ASIC2: variants seen among roughly 807,000 people sequenced by gnomAD.
ASIC2 encodes the protein acid-sensing ion channel 2.
A neutral mutation model predicts 57.3 loss-of-function variants in ASIC2; 25 were observed. The observed-to-expected ratio is 0.44, with a 90% CI of 0.32 to 0.61. The LOEUF is 0.61. Ranked by LOEUF, ASIC2 falls within the 20% of genes least tolerant of loss-of-function variation. ASIC2 has a pLI of 0.06. For missense variants in ASIC2, 641 were observed against 738.1 expected (o/e 0.87, Z 1.52); for synonymous variants, 319 against 307.5 (o/e 1.04, Z -0.39).
At chr17:33,272,748 T>A (rs1262223564) in intron 1 of ASIC2, among the ~76,000 whole-genome samples, 1 of 152,224 alleles carries the variant, frequency 6.6e-6, no homozygotes, top group Non-Finnish European at 1.5e-5. Flanking sequence ...CCAACATGCT[T>A]ATGATGCTTT....
intron 1 of ASIC2, among the ~76,000 whole-genome samples, chr17:33,511,831 T>A (rs1242128163): frequency 6.6e-6 from 1 of 152,196 alleles, no homozygotes; most frequent in African/African-American, 2.4e-5. Context: ...AGGATGTGGG[T>A]GCTCTGTATA....
chr17:34,081,986 A>G (rs1598013832), intron 1 of ASIC2: 1 of 152,294 alleles, frequency 6.6e-6, no homozygotes, highest in Middle Eastern at 3.4e-3. Flanking sequence ...TTGCTTCTCC[A>G]TGACCCAAAC....
At chr17:33,336,682 G>A (rs759430767) in intron 1 of ASIC2, among the ~76,000 whole-genome samples, 2 of 152,080 alleles carry the variant, frequency 1.3e-5, no homozygotes, top group Non-Finnish European at 2.9e-5. Context: ...TGTGTCTGGC[G>A]GTGATCAGCA....
In ASIC2 at chr17:33,304,151, C is replaced by G. The variant is rs866246701; in HGVS notation, c.556-192084G>C. On this transcript the variant is annotated intron_variant, in intron 1 of 9. Coordinates refer to the ASIC2 transcript ENST00000359872. ...ACCACGTCATCTGGAAATTATGACA[C>G]TTTAAGAAAAGAACATGACAAGGAT... Among the ~76,000 whole-genome samples the G allele has an allele frequency of 5.3e-5, 8 of 152,278 alleles. No individual in the cohort carries two copies. In the South Asian group the frequency reaches 6.2e-4, roughly 12 times the overall value.
intron 3 of ASIC2, among the ~76,000 whole-genome samples, chr17:33,058,863 A>T (rs2141936840): frequency 6.6e-6 from 1 of 152,366 alleles, no homozygotes; most frequent in South Asian, 2.1e-4. Context: ...TATTTATAAT[A>T]GCAAAAACAG....
chr17:34,023,831 AAGAC>A (rs1169271908), intron 1 of ASIC2, among the ~76,000 whole-genome samples: 1 of 152,236 alleles, frequency 6.6e-6, no homozygotes, highest in Non-Finnish European at 1.5e-5. Flanking sequence ...CAAAGGGTCT[AAGAC>A]AGACTCCAAA....
intron 1 of ASIC2, among the ~76,000 whole-genome samples, chr17:33,641,141 T>C (rs1906550930): frequency 6.6e-6 from 1 of 152,138 alleles, no homozygotes; most frequent in Admixed American, 6.5e-5. Context: ...CATGGAGACA[T>C]CTGTTCCCTT....
intron 1 of ASIC2, among the ~76,000 whole-genome samples, chr17:33,327,133 G>T (rs534848061): frequency 6.6e-6 from 1 of 152,092 alleles, no homozygotes; most frequent in Non-Finnish European, 1.5e-5. Context: ...CATCTTCCTT[G>T]TATCACCCTC....
intron 1 of ASIC2, among the ~76,000 whole-genome samples, chr17:33,371,994 G>T (rs1454945125): frequency 6.6e-6 from 1 of 152,028 alleles, no homozygotes; most frequent in Admixed American, 6.5e-5. Context: ...GGCAGTGAGG[G>T]TGGTCACAAT....
intron 1 of ASIC2, among the ~76,000 whole-genome samples, chr17:33,988,843 A>G (rs1477285628): frequency 6.6e-6 from 1 of 151,944 alleles, no homozygotes; most frequent in Non-Finnish European, 1.5e-5. Flanking sequence ...ACTGGTTGGG[A>G]GCAGGAAAGC....
chr17:34,048,723 G>C (rs1373906638), intron 1 of ASIC2, among the ~76,000 whole-genome samples: 2 of 152,206 alleles, frequency 1.3e-5, no homozygotes, highest in East Asian at 3.8e-4. Flanking sequence ...TAGGTTACAA[G>C]AGAGGGCATG....
intron 1 of ASIC2, among the ~76,000 whole-genome samples, chr17:34,044,997 AG>A (rs1490088407): frequency 1.3e-5 from 2 of 152,220 alleles, no homozygotes; most frequent in Non-Finnish European, 2.9e-5. Flanking sequence ...AGTCGAACAC[AG>A]GAAGTTGGAT....
intron 1 of ASIC2, among the ~76,000 whole-genome samples, chr17:33,126,256 C>G (rs1315500054): frequency 3.3e-5 from 5 of 152,282 alleles, no homozygotes; most frequent in African/African-American, 1.2e-4. Context: ...GTGTGAAGCC[C>G]AGTTCTATGG....
intron 1 of ASIC2, among the ~76,000 whole-genome samples, chr17:33,319,963 T>C (rs1906806087): frequency 6.6e-6 from 1 of 152,172 alleles, no homozygotes; most frequent in Non-Finnish European, 1.5e-5. Flanking sequence ...GGAAAAATCT[T>C]TGGGGAAGGA....
intron 1 of ASIC2, among the ~76,000 whole-genome samples, chr17:33,908,242 C>T (rs1204299751): frequency 2.6e-5 from 4 of 152,216 alleles, no homozygotes; most frequent in Non-Finnish European, 5.9e-5. Flanking sequence ...GTTGTGGCCC[C>T]CTACTCTGAT....
At chr17:33,083,779 C>A (rs772977707) in intron 3 of ASIC2, among the ~76,000 whole-genome samples, 1 of 152,114 alleles carries the variant, frequency 6.6e-6, no homozygotes, top group Non-Finnish European at 1.5e-5. Context: ...GAGAGGTGAG[C>A]TGTGGCCAGG....
intron 1 of ASIC2, among the ~76,000 whole-genome samples, chr17:33,576,567 G>A (rs1350880576): frequency 6.6e-6 from 1 of 152,148 alleles, no homozygotes; most frequent in Non-Finnish European, 1.5e-5. Flanking sequence ...GACTTACTTA[G>A]GCTTACAGCG....
chr17:33,068,149 G>C (rs223037), intron 3 of ASIC2, among the ~76,000 whole-genome samples: 60,239 of 151,970 alleles, frequency 0.4, 13,134 homozygotes, highest in East Asian at 0.65. Context: ...GACCTGGGGG[G>C]GTGGAAGGGT....
intron 1 of ASIC2, among the ~76,000 whole-genome samples, chr17:33,143,631 A>G (rs1288498309): frequency 1.3e-5 from 2 of 152,206 alleles, no homozygotes; most frequent in African/African-American, 4.8e-5. Context: ...ATGTCTTTTT[A>G]CTAGTCTATA....
Sources: gnomAD v4.1 joint callset for allele counts (sites outside exome capture counted in the v4.1 genomes callset) on GRCh38, gnomAD v4.1.1 for gene constraint, MANE v1.5 for transcripts, NCBI Gene and HGNC (gene_info 2026-07-23, HGNC 2026-07-21) for gene names.